CLASP1: variants seen among roughly 807,000 people sequenced by gnomAD.
CLASP1 encodes the protein cytoplasmic linker associated protein 1.
In CLASP1, 38 loss-of-function variants were observed where a neutral mutation model predicts 192.3. That is an observed-to-expected ratio of 0.20 (90% CI 0.15 to 0.26). The LOEUF (loss-of-function observed/expected upper bound fraction) is 0.26. CLASP1 is among the 10% of genes least tolerant of loss of function. The probability of loss-of-function intolerance (pLI) is 1.00; values close to 1 mark genes in which losing one functional copy is unlikely to be tolerated. For missense variants in CLASP1, 1,433 were observed against 1,932.5 expected (o/e 0.74, Z 4.85); for synonymous variants, 691 against 712.8 (o/e 0.97, Z 0.49).
In CLASP1 at chr2:121,530,939, G is replaced by A. The variant is rs770147655; in HGVS notation, c.196-614C>T. On this transcript the variant is annotated intron_variant, in intron 2 of 39. Transcript: ENST00000263710. ...ATGAGCGCATAGTGAGGGCAGTACTGCTAACGCCTGAACAACACACCCGCA... is the reference window on the plus strand; with the variant it reads ...ATGAGCGCATAGTGAGGGCAGTACTACTAACGCCTGAACAACACACCCGCA... 7.0e-5 allele frequency: 49 copies of A among 700,418 alleles called. No homozygotes were observed. Among genetic ancestry groups the A allele is most frequent in the Admixed American group, 2.0e-4 (10 of 50,014 alleles). 43.4% of individuals were successfully genotyped at this position (700,418 alleles called of 1,614,324 possible).
chr2:121,363,859 C>T (rs1459173407), intron 36 of CLASP1, among the ~76,000 whole-genome samples: 1 of 152,116 alleles, frequency 6.6e-6, no homozygotes, highest in East Asian at 1.9e-4. Context: ...GGAGGAAAGC[C>T]ATTCCAAACA....
chr2:121,536,046 A>G (rs764252348), intron 2 of CLASP1, among the ~76,000 whole-genome samples: 2 of 151,926 alleles, frequency 1.3e-5, no homozygotes, highest in Non-Finnish European at 2.9e-5. Flanking sequence ...GTGAAGTGTA[A>G]AATGGTAGAG....
rs537821173 is a variant in CLASP1 at position 121,436,384 on chromosome 2, A to T, written c.1913-6207T>A. 2.7e-5 allele frequency among the ~76,000 whole-genome samples: 4 copies of T among 145,690 alleles called. No homozygotes were observed. In the East Asian group the frequency reaches 8.1e-4, roughly 29 times the overall value. ...TTTATTTTTGTCTTACTTGGAATTT[A>T]TTGGGTTTCTTCAATCTGTGCTTTA... On this transcript the variant is annotated intron_variant, in intron 19 of 39. Coordinates refer to ENST00000263710, the Ensembl canonical transcript of CLASP1.
Position 121,432,472 on chromosome 2 carries a change from C to T in CLASP1, c.1913-2295G>A, listed in dbSNP as rs112745251. ...TGCTAATTGGCAGGACAAGTAAATT[C>T]GCCTTTTCCTAAGCCCTTTGCTGTC... On this transcript the variant is annotated intron_variant, in intron 19 of 39. Transcript: ENST00000263710. 6.7e-3 allele frequency among the ~76,000 whole-genome samples: 1,020 copies of T among 152,272 alleles called. 16 individuals carry two copies. The highest frequency in any genetic ancestry group is 0.023 in the African/African-American group (964 of 41,580).
At chr2:121,588,328 T>A (rs1045085248) in intron 2 of CLASP1, among the ~76,000 whole-genome samples, 18 of 152,086 alleles carry the variant, frequency 1.2e-4, no homozygotes, top group Non-Finnish European at 2.6e-4. Context: ...TACATATCAA[T>A]ACCTAAAGAA....
intron 2 of CLASP1, among the ~76,000 whole-genome samples, chr2:121,585,334 G>A (rs1169846620): frequency 1.3e-5 from 2 of 152,188 alleles, no homozygotes; most frequent in Non-Finnish European, 2.9e-5. Flanking sequence ...TAGCTTGAGA[G>A]CATTTGTCAG....
intron 2 of CLASP1, among the ~76,000 whole-genome samples, chr2:121,560,231 C>T (rs2058955369): frequency 6.6e-6 from 1 of 152,056 alleles, no homozygotes; most frequent in South Asian, 2.1e-4. Context: ...TAATTTAGAC[C>T]TACATGTATA....
At chr2:121,432,249 T>G (rs1046632564) in intron 19 of CLASP1, among the ~76,000 whole-genome samples, 1 of 152,172 alleles carries the variant, frequency 6.6e-6, no homozygotes, top group Non-Finnish European at 1.5e-5. Context: ...CCCCAGTAGC[T>G]GGGATTACAG....
intron 34 of CLASP1, among the ~76,000 whole-genome samples, chr2:121,368,583 C>T (rs1012867099): frequency 6.6e-6 from 1 of 152,130 alleles, no homozygotes; most frequent in African/African-American, 2.4e-5. Context: ...GTGGGGCACA[C>T]CACTGGTCTA....
At chr2:121,432,550 C>A (rs541729004) in intron 19 of CLASP1, among the ~76,000 whole-genome samples, 1 of 152,102 alleles carries the variant, frequency 6.6e-6, no homozygotes, top group Non-Finnish European at 1.5e-5. Flanking sequence ...TGTTGACTGG[C>A]ATTATGTGAA....
chr2:121,537,008 T>C (rs1203467691), intron 2 of CLASP1, among the ~76,000 whole-genome samples: 2 of 152,200 alleles, frequency 1.3e-5, no homozygotes, highest in Admixed American at 6.5e-5. Flanking sequence ...GCTTGTGTTA[T>C]GGGGCAATAA....
At chr2:121,432,144 T>C (rs2081541722) in intron 19 of CLASP1, among the ~76,000 whole-genome samples, 1 of 152,178 alleles carries the variant, frequency 6.6e-6, no homozygotes, top group African/African-American at 2.4e-5. Flanking sequence ...AGGCAGAGTC[T>C]CTTTCTGTCG....
At chr2:121,578,897 T>C (rs917769955) in intron 2 of CLASP1, among the ~76,000 whole-genome samples, 6 of 152,190 alleles carry the variant, frequency 3.9e-5, no homozygotes, top group South Asian at 2.1e-4. Flanking sequence ...CATACACTTA[T>C]ACACTTTCCC....
At chr2:121,382,729 A>C (rs968813809) in intron 32 of CLASP1, among the ~76,000 whole-genome samples, 1 of 152,214 alleles carries the variant, frequency 6.6e-6, no homozygotes, top group Non-Finnish European at 1.5e-5. Flanking sequence ...TTTTAGAAAG[A>C]ACCAAAGAAG....
intron 34 of CLASP1, among the ~76,000 whole-genome samples, chr2:121,368,723 C>T (rs1272520945): frequency 6.6e-6 from 1 of 152,188 alleles, no homozygotes; most frequent in East Asian, 1.9e-4. Context: ...AGCCAGAACA[C>T]ATTGGTGACA....
exon 22 of CLASP1, chr2:121,425,170 G>C: frequency 6.2e-7 from 1 of 1,611,882 alleles, no homozygotes; most frequent in Non-Finnish European, 8.5e-7. Flanking sequence ...TTGTTTCCCG[G>C]CTACATCCCT....
intron 39 of CLASP1, among the ~76,000 whole-genome samples, chr2:121,345,538 C>G (rs902069765): frequency 6.6e-6 from 1 of 152,194 alleles, no homozygotes; most frequent in Non-Finnish European, 1.5e-5. Flanking sequence ...TCCTCCTGGT[C>G]AGCAGGAATC....
intron 19 of CLASP1, among the ~76,000 whole-genome samples, chr2:121,434,197 C>T (rs1040540354): frequency 6.6e-6 from 1 of 152,198 alleles, no homozygotes; most frequent in Admixed American, 6.5e-5. Flanking sequence ...GAAACTTGTA[C>T]AACTTGTTTT....
chr2:121,489,461 A>G (rs925175679), intron 8 of CLASP1, among the ~76,000 whole-genome samples: 5 of 152,334 alleles, frequency 3.3e-5, no homozygotes, highest in Admixed American at 2.6e-4. Context: ...TTGTTACTGT[A>G]TGCAATTTTA....
Sources: gnomAD v4.1 joint callset for allele counts (sites outside exome capture counted in the v4.1 genomes callset) on GRCh38, gnomAD v4.1.1 for gene constraint, MANE v1.5 for transcripts, NCBI Gene and HGNC (gene_info 2026-07-23, HGNC 2026-07-21) for gene names.